The following CAGE1 variants were observed in gnomAD, a reference collection of about 807,000 sequenced individuals.
CAGE1 encodes the protein cancer antigen 1.
CAGE1 carries 66 observed loss-of-function variants against 94.9 expected under a neutral mutation model. The ratio of observed to expected loss-of-function variants is 0.70; its 90% CI spans 0.57 to 0.85. CAGE1 has a LOEUF of 0.85. Ranked by LOEUF, CAGE1 falls within the 40% of genes least tolerant of loss-of-function variation. The pLI, the probability that CAGE1 is intolerant of heterozygous loss-of-function variation, is 0.00. For missense variants in CAGE1, 865 were observed against 950.4 expected, an observed-to-expected ratio of 0.91 and a Z score of 1.18; for synonymous variants, 319 against 321.0, an observed-to-expected ratio of 0.99 and a Z score of 0.07.
At chr6:7,330,795 A>G (rs1036264226) in intron 12 of CAGE1, among the ~76,000 whole-genome samples, 1 of 152,214 alleles carries the variant, frequency 6.6e-6, no homozygotes, top group African/African-American at 2.4e-5. Context: ...TCTTCTGCCC[A>G]TCTCACCCCC....
At chr6:7,348,322 T>C (rs1231835875) in intron 11 of CAGE1, among the ~76,000 whole-genome samples, 1 of 151,806 alleles carries the variant, frequency 6.6e-6, no homozygotes, top group African/African-American at 2.4e-5. Flanking sequence ...CAAAGAAAGG[T>C]AACAATCACT....
intron 12 of CAGE1, among the ~76,000 whole-genome samples, chr6:7,332,811 T>A (rs1758802456): frequency 6.6e-6 from 1 of 152,096 alleles, no homozygotes; most frequent in Admixed American, 6.5e-5. Flanking sequence ...ATGGAAGGGG[T>A]TCTCTGAAAT....
intron 1 of CAGE1, among the ~76,000 whole-genome samples, chr6:7,388,471 G>A (rs565608082): frequency 7.9e-5 from 12 of 152,214 alleles, no homozygotes; most frequent in African/African-American, 2.6e-4. Flanking sequence ...CTGTTTCAAG[G>A]GTGTTAGTGT....
At chr6:7,333,636 AACTATC>A (rs1460334459) in intron 12 of CAGE1, among the ~76,000 whole-genome samples, 93 of 43,580 alleles carry the variant, frequency 2.1e-3, no homozygotes, top group African/African-American at 8.5e-3. Context: ...CTATCTATCT[AACTATC>A]TATATATATA....
At chr6:7,331,362 A>G in intron 12 of CAGE1, 2 of 1,018,362 alleles carry the variant, frequency 2.0e-6, no homozygotes, top group East Asian at 3.3e-5. Context: ...AAATCCCAGG[A>G]CAGCATATGA....
intron 3 of CAGE1, among the ~76,000 whole-genome samples, chr6:7,380,891 A>G (rs938349548): frequency 7.2e-5 from 11 of 152,296 alleles, no homozygotes; most frequent in Non-Finnish European, 1.0e-4. Flanking sequence ...TAGAAAATAC[A>G]TATCTTCAAC....
chr6:7,352,183 C>T (rs934769313), intron 11 of CAGE1, among the ~76,000 whole-genome samples: 6 of 151,224 alleles, frequency 4.0e-5, no homozygotes, highest in African/African-American at 1.5e-4. Context: ...AATTCAGCAA[C>T]GTTTCCTGAT....
chr6:7,335,424 T>A (rs1196672957), intron 11 of CAGE1, among the ~76,000 whole-genome samples: 1 of 152,174 alleles, frequency 6.6e-6, no homozygotes, highest in East Asian at 1.9e-4. Flanking sequence ...GGCAGGTATG[T>A]GAAATGAGCG....
chr6:7,352,059 G>A (rs1451829413), intron 11 of CAGE1, among the ~76,000 whole-genome samples: 1 of 151,888 alleles, frequency 6.6e-6, no homozygotes, highest in Non-Finnish European at 1.5e-5. Context: ...AAATAAATAA[G>A]GGGCACCCAA....
rs543970932 is a variant in CAGE1, at chr6:7,336,456, A to G, written c.2370-2366T>C. ...AGAGCTAGGCAAGCAAAGCAGCACCACTGAATGGAGTATAATGAGTGCTTT... is the reference window on the plus strand; with the variant it reads ...AGAGCTAGGCAAGCAAAGCAGCACCGCTGAATGGAGTATAATGAGTGCTTT... On this transcript the variant is annotated intron_variant, in intron 11 of 13. Coordinates refer to ENST00000502583, the MANE Select transcript of CAGE1 (RefSeq NM_001170692.2). Among the ~76,000 whole-genome samples the G allele has an allele frequency of 4.6e-5, 7 of 152,270 alleles. No individual in the cohort carries two copies. The South Asian group carries it at 1.5e-3, about 32-fold the overall frequency.
chr6:7,379,074 G>A, intron 3 of CAGE1, 54 bp from the exon 4 acceptor site: 1 of 1,102,248 alleles, frequency 9.1e-7, no homozygotes, highest in East Asian at 2.6e-5. Context: ...GAACTTGGAT[G>A]GTAACAGTTA....
chr6:7,375,398 G>C (rs887517487), intron 4 of CAGE1, among the ~76,000 whole-genome samples: 25 of 151,960 alleles, frequency 1.6e-4, no homozygotes, highest in Non-Finnish European at 4.4e-5. Flanking sequence ...GACAGAGCGA[G>C]ACTCTGTCTC....
rs1759098235 is a variant in CAGE1, at chr6:7,339,702, A to G, written c.2370-5612T>C. ...CCATTCCTGAGCTACTTCACTTAGA[A>G]TAATGGTCTCCAATTCCATCTAAGT... On this transcript the variant is annotated intron_variant, in intron 11 of 13. Coordinates refer to ENST00000502583, the MANE Select transcript of CAGE1 (RefSeq NM_001170692.2). The surrounding 1 kb of genome is among the most constrained non-coding windows in gnomAD (Gnocchi z 4.7). The G allele has an allele frequency of 1.8e-6, 1 of 550,498 alleles. No individual in the cohort carries two copies. Among genetic ancestry groups the G allele is most frequent in the Non-Finnish European group, 3.3e-6 (1 of 306,502 alleles). 34.1% of individuals were successfully genotyped at this position (550,498 alleles called of 1,614,324 possible).
In CAGE1 at chr6:7,387,004, G is replaced by C. The variant is rs566734281; in HGVS notation, c.170C>G (p.Thr57Ser). The change falls in exon 2 of 14, where the codon ACC becomes AGC. Residue 57 changes from threonine to serine, a missense_variant. Coordinates refer to ENST00000502583, the MANE Select transcript of CAGE1 (RefSeq NM_001170692.2). ...LSHSPICMETTGTTCDLPQNE... is the reference protein window; with the variant it reads ...LSHSPICMETSGTTCDLPQNE... ...CTGAGGCAAGTCACAAGTGGTGCCG[G>C]TGGTTTCCATACAGATTGGAGAATG... 143 of 1,551,886 alleles carry C rather than the reference G, an allele frequency of 9.2e-5. No individual in the cohort carries two copies. The highest frequency in any genetic ancestry group is 8.5e-5 in the Non-Finnish European group (98 of 1,146,870).
At chr6:7,338,865 C>T (rs564572252) in intron 11 of CAGE1, 2 of 1,478,186 alleles carry the variant, frequency 1.4e-6, no homozygotes, top group African/African-American at 2.7e-5. Flanking sequence ...GAGGGCACGG[C>T]AGGAGGCTCT....
intron 4 of CAGE1, among the ~76,000 whole-genome samples, chr6:7,377,649 A>G (rs976918096): frequency 3.3e-5 from 5 of 152,178 alleles, no homozygotes; most frequent in Non-Finnish European, 5.9e-5. Flanking sequence ...CAGCAGGACA[A>G]TCGCTTGAAT....
intron 1 of CAGE1, among the ~76,000 whole-genome samples, chr6:7,388,191 T>C (rs3812169): frequency 0.43 from 65,914 of 151,704 alleles, 14,863 homozygotes; most frequent in African/African-American, 0.56. Flanking sequence ...TCTATAAATT[T>C]TTGTCCTTCC....
intron 11 of CAGE1, among the ~76,000 whole-genome samples, chr6:7,334,338 C>A (rs1043740337): frequency 2.6e-5 from 4 of 152,162 alleles, no homozygotes; most frequent in African/African-American, 9.7e-5. Context: ...TGTAAAGCAG[C>A]ATTCAGATAT....
Position 7,378,847 on chromosome 6 carries a change from C to A in CAGE1, c.457G>T (p.Asp153Tyr). Residue 153 changes from aspartate to tyrosine, a missense_variant, in exon 4 of 14, where the codon GAC becomes TAC. Physicochemically the swap from Asp to Tyr is radical, Grantham distance 160. Transcript: ENST00000502583. ...AATGAGTCTTGCTTTATATTGTTGT[C>A]TTTTGCATAATTATACACTTGACTT... is the stretch of plus-strand genomic sequence containing the variant. The part of the protein sequence containing the change: ...FQSQVYNYAK[D>Y]NNIKQDSFKE... 6.2e-7 allele frequency: 1 copy of A among 1,612,668 alleles called. No individual in the cohort carries two copies. Among genetic ancestry groups the A allele is most frequent in the Non-Finnish European group, 8.5e-7 (1 of 1,179,150 alleles).
Sources: allele counts gnomAD v4.1 joint callset (sites outside exome capture counted in the v4.1 genomes callset), GRCh38; gene constraint gnomAD v4.1.1; non-coding constraint Gnocchi (gnomAD v3.1); transcripts MANE v1.5; gene names NCBI Gene and HGNC (gene_info 2026-07-23, HGNC 2026-07-21).